Variants in MYOM2 observed in about 807,000 individuals in gnomAD.
MYOM2 encodes the protein myomesin-2.
Under a neutral mutation model 187.6 loss-of-function variants are expected in MYOM2, and 254 were observed. The ratio of observed to expected loss-of-function variants is 1.35; its 90% CI spans 1.22 to 1.50. The LOEUF is 1.50. MYOM2 is among the 40% of genes most tolerant of loss of function. The probability of loss-of-function intolerance (pLI) is 0.00; values close to 1 mark genes in which losing one functional copy is unlikely to be tolerated. For synonymous variants in MYOM2, 981 were observed against 753.8 expected, an observed-to-expected ratio of 1.30 and a Z score of -4.94; for missense variants, 2,796 against 1,924.0, an observed-to-expected ratio of 1.45 and a Z score of -8.48.
chr8:2,099,024 G>A (rs1302874504), intron 19 of MYOM2, 41 bp downstream of exon 19: 1 of 1,557,560 alleles, frequency 6.4e-7, no homozygotes, highest in East Asian at 2.3e-5. Context: ...CCAGCGCACA[G>A]GCTGGCTGGG....
chr8:2,098,387 G>C (rs976778680), intron 18 of MYOM2, among the ~76,000 whole-genome samples: 1 of 152,148 alleles, frequency 6.6e-6, no homozygotes, highest in Non-Finnish European at 1.5e-5. Context: ...GGGGGCTCTT[G>C]TCATGCAGAG....
intron 27 of MYOM2, among the ~76,000 whole-genome samples, chr8:2,117,492 T>G (rs765188745): frequency 6.6e-6 from 1 of 152,212 alleles, no homozygotes; most frequent in Non-Finnish European, 1.5e-5. Flanking sequence ...TATTTAAAGG[T>G]ATTATTTACC....
Position 2,144,741 on chromosome 8 carries a change from G to T in MYOM2, c.4158G>T (p.Gln1386His). 6.2e-7 allele frequency: 1 copy of T among 1,613,938 alleles called. No individual in the cohort carries two copies. Among genetic ancestry groups the T allele is most frequent in the Non-Finnish European group, 8.5e-7 (1 of 1,180,028 alleles). ...GGTTCAAGAACGACCAGGACATCCA[G>T]CTCAGCGAGCACTTCTCGGTGAAGG... Reference protein sequence around the residue: ...VIWFKNDQDIQLSEHFSVKVE... With the variant: ...VIWFKNDQDIHLSEHFSVKVE... The change falls in exon 37 of 37, where the codon CAG becomes CAT. Residue 1386 changes from glutamine to histidine, a missense_variant. Coordinates refer to ENST00000262113, the MANE Select transcript of MYOM2 (RefSeq NM_003970.4).
intron 32 of MYOM2, among the ~76,000 whole-genome samples, chr8:2,135,711 G>A (rs75601761): frequency 0.012 from 1,854 of 152,254 alleles, 20 homozygotes; most frequent in Non-Finnish European, 0.018. Context: ...ACGAAGAAGA[G>A]GTTTTGTCAT....
In MYOM2 at chr8:2,144,831, C is replaced by G. The variant is rs758132832; in HGVS notation, c.4248C>G (p.Tyr1416Ter). Reference sequence around the variant, plus strand: ...TGACCTCCGAGGACTCGGGCAAGTACAGCATCAACATCAAGAATAAGTATG... The same window carrying G: ...TGACCTCCGAGGACTCGGGCAAGTAGAGCATCAACATCAAGAATAAGTATG... ...KGVTSEDSGK[Y>*]SINIKNKYGG... The change falls in exon 37 of 37, where the codon TAC becomes TAG. Residue 1416 changes from tyrosine (Y) to a stop codon, truncating the protein, a stop_gained. Transcript: ENST00000262113. LOFTEE classifies it high-confidence loss of function. 6 of 1,614,186 alleles carry G rather than the reference C, an allele frequency of 3.7e-6. No individual in the cohort carries two copies. Among genetic ancestry groups the G allele is most frequent in the Non-Finnish European group, 5.1e-6 (6 of 1,180,034 alleles).
intron 6 of MYOM2, among the ~76,000 whole-genome samples, chr8:2,061,996 C>T (rs568673676): frequency 1.3e-5 from 2 of 152,100 alleles, no homozygotes; most frequent in African/African-American, 2.4e-5. Flanking sequence ...GGCTGTGGCC[C>T]GTTGTGGTGT....
intron 11 of MYOM2, among the ~76,000 whole-genome samples, chr8:2,077,469 T>C (rs1240893168): frequency 6.6e-6 from 1 of 152,172 alleles, no homozygotes; most frequent in Non-Finnish European, 1.5e-5. Context: ...TGTTTGTTTG[T>C]TTATGCTGAT....
chr8:2,087,927 G>A lies in MYOM2; in HGVS notation c.1645-2081G>A, dbSNP rs1019658251. ...TTTAGTGTGTTTACAGGCCAGGCAAGCCACAACACCTGTCCTGCAAACACA... is the reference window on the plus strand; with the variant it reads ...TTTAGTGTGTTTACAGGCCAGGCAAACCACAACACCTGTCCTGCAAACACA... On this transcript the variant is annotated intron_variant, in intron 14 of 36. Coordinates refer to ENST00000262113, the MANE Select transcript of MYOM2 (RefSeq NM_003970.4). Among the ~76,000 whole-genome samples, 6 of 152,304 alleles carry A rather than the reference G, an allele frequency of 3.9e-5. 1 individual carries two copies. In the South Asian group the frequency reaches 1.2e-3, roughly 32 times the overall value.
intron 31 of MYOM2, among the ~76,000 whole-genome samples, chr8:2,126,608 G>A (rs562631813): frequency 1.4e-3 from 220 of 152,200 alleles, no homozygotes; most frequent in African/African-American, 5.1e-3. Flanking sequence ...AGGAGCCCTG[G>A]GAGGCTGGGG....
chr8:2,092,338 A>G lies in MYOM2; in HGVS notation c.1829-8A>G, dbSNP rs745943911. 7 of 1,613,154 alleles carry G rather than the reference A, an allele frequency of 4.3e-6. No homozygotes were observed. Among genetic ancestry groups the G allele is most frequent in the Non-Finnish European group, 5.9e-6 (7 of 1,179,668 alleles). On this transcript the variant is annotated splice_region_variant and splice_polypyrimidine_tract_variant and intron_variant, in intron 15 of 36. Coordinates refer to ENST00000262113, the MANE Select transcript of MYOM2 (RefSeq NM_003970.4). ...CATTTCACCACTCCTTTTGTCTCCTACGAAAAGTTGTCCCTTCTGCTCCGG... is the reference window on the plus strand; with the variant it reads ...CATTTCACCACTCCTTTTGTCTCCTGCGAAAAGTTGTCCCTTCTGCTCCGG...
At chr8:2,128,738 A>G (rs1193955027) in intron 31 of MYOM2, among the ~76,000 whole-genome samples, 1 of 152,154 alleles carries the variant, frequency 6.6e-6, no homozygotes, top group African/African-American at 2.4e-5. Context: ...AGTCCTGCTA[A>G]ATCTTAACGT....
intron 32 of MYOM2, among the ~76,000 whole-genome samples, chr8:2,139,670 G>A (rs1000231558): frequency 1.3e-5 from 2 of 152,234 alleles, no homozygotes; most frequent in Middle Eastern, 3.4e-3. Flanking sequence ...GCTGGTGCCC[G>A]AGAGAAACAG....
intron 14 of MYOM2, among the ~76,000 whole-genome samples, chr8:2,086,854 G>A (rs147087724): frequency 1.5e-4 from 23 of 152,322 alleles, no homozygotes; most frequent in South Asian, 4.1e-4. Flanking sequence ...TGCACAAGCC[G>A]TATGGCCACT....
chr8:2,111,106 C>T (rs773864019), intron 25 of MYOM2, among the ~76,000 whole-genome samples: 45 of 152,268 alleles, frequency 3.0e-4, no homozygotes, highest in Non-Finnish European at 5.3e-4. Flanking sequence ...ACTTTATTTG[C>T]GGGATATCTT....
At chr8:2,141,366 T>G (rs1381626377) in intron 34 of MYOM2, among the ~76,000 whole-genome samples, 189 bp downstream of exon 34, 7 of 152,212 alleles carry the variant, frequency 4.6e-5, no homozygotes, top group Non-Finnish European at 7.3e-5. Context: ...GAAATGCATT[T>G]ATAAACGGAC....
intron 28 of MYOM2, among the ~76,000 whole-genome samples, chr8:2,120,888 A>T (rs1184510626): frequency 6.6e-6 from 1 of 150,882 alleles, no homozygotes; most frequent in African/African-American, 2.4e-5. Flanking sequence ...TGGTAAATTT[A>T]TTATAGAAAA....
In MYOM2 at chr8:2,057,479, A is replaced by G. The variant is rs1434599623; in HGVS notation, c.395A>G (p.Gln132Arg). 2 of 1,614,004 alleles carry G rather than the reference A, an allele frequency of 1.2e-6. No homozygotes were observed. The highest frequency in any genetic ancestry group is 1.7e-6 in the Non-Finnish European group (2 of 1,179,948). ...GACAAGCTGGACAAATACGCCATTC[A>G]GCAGATGGTAGGAGGGTCTCAGGGT... ...ARDKLDKYAI[Q>R]QMMEDKLAWE... The change falls in exon 4 of 37, where the codon CAG becomes CGG. Residue 132 changes from glutamine to arginine, a missense_variant. By Grantham distance (43) the Gln-to-Arg change is conservative (BLOSUM62 1). Coordinates refer to ENST00000262113, the MANE Select transcript of MYOM2 (RefSeq NM_003970.4).
Position 2,091,536 on chromosome 8 carries a change from C to T in MYOM2, c.1829-810C>T, listed in dbSNP as rs368395807. Among the ~76,000 whole-genome samples the T allele has an allele frequency of 1.7e-4, 26 of 152,310 alleles. No individual in the cohort carries two copies. In the East Asian group the frequency reaches 1.7e-3, roughly 10 times the overall value. ...GGGAGGCACATTGGTGTCAGGAACG[C>T]GGTTCTGAGTGCCTGGGTGCCCTCC... On this transcript the variant is annotated intron_variant, in intron 15 of 36. Transcript: ENST00000262113.
Position 2,100,879 on chromosome 8 carries a change from C to G in MYOM2, c.2444C>G (p.Pro815Arg), listed in dbSNP as rs1316873444. Residue 815 changes from proline (P) to arginine (R), a missense_variant, in exon 20 of 37, where the codon CCT (proline) becomes CGT (arginine). Pro to Arg is a moderately radical substitution (Grantham distance 103). Coordinates refer to ENST00000262113, the MANE Select transcript of MYOM2 (RefSeq NM_003970.4). The stretch of plus-strand genomic sequence containing the variant: ...AAGGTGGCATCTGACTTCACAGGTC[C>G]TGCCTACGACTTGACGTTCTGTGAG... ...CEAWTMPEPG[P>R]AYDLTFCEVR... is the part of the protein sequence containing the mutation. 1.2e-6 allele frequency: 2 copies of G among 1,613,994 alleles called. No homozygotes were observed. Among genetic ancestry groups the G allele is most frequent in the African/African-American group, 1.3e-5 (1 of 74,912 alleles).
Sources: allele counts gnomAD v4.1 joint callset (sites outside exome capture counted in the v4.1 genomes callset), GRCh38; gene constraint gnomAD v4.1.1; transcripts MANE v1.5; gene names NCBI Gene and HGNC (gene_info 2026-07-23, HGNC 2026-07-21).